Variants in LOXHD1 observed in about 807,000 individuals in gnomAD.
The protein encoded by LOXHD1 is lipoxygenase homology PLAT domains 1.
A neutral mutation model predicts 248.2 loss-of-function variants in LOXHD1; 205 were observed. The observed-to-expected ratio is 0.83, with a 90% CI of 0.74 to 0.93. LOXHD1 has a LOEUF of 0.93. Among genes scored for constraint, LOXHD1 ranks in the 40% least tolerant of loss-of-function variants. The pLI, the probability that LOXHD1 is intolerant of heterozygous loss-of-function variation, is 0.00. For missense variants in LOXHD1, 2,930 were observed against 2,971.6 expected, an observed-to-expected ratio of 0.99 and a Z score of 0.33; for synonymous variants, 1,113 against 1,162.8, an observed-to-expected ratio of 0.96 and a Z score of 0.87.
intron 14 of LOXHD1, among the ~76,000 whole-genome samples, chr18:46,576,003 G>A (rs536171012): frequency 2.0e-5 from 3 of 152,252 alleles, no homozygotes; most frequent in Non-Finnish European, 2.9e-5. Flanking sequence ...TTCCACAGGA[G>A]GCCAGCCTCA....
chr18:46,597,935 T>G (rs1168751830), intron 8 of LOXHD1, among the ~76,000 whole-genome samples: 1 of 142,632 alleles, frequency 7.0e-6, no homozygotes. Context: ...TTGCATTTTT[T>G]TTTTTTTTTT....
At chr18:46,488,037 G>C (rs1289969895) in intron 38 of LOXHD1, among the ~76,000 whole-genome samples, 1 of 152,228 alleles carries the variant, frequency 6.6e-6, no homozygotes, top group African/African-American at 2.4e-5. Flanking sequence ...TAGCTGAACT[G>C]TCTGGTGAAG....
intron 4 of LOXHD1, among the ~76,000 whole-genome samples, chr18:46,626,563 A>G (rs866477001): frequency 4.5e-4 from 69 of 152,206 alleles, no homozygotes; most frequent in Middle Eastern, 3.2e-3. Context: ...ATAAAATAAA[A>G]TAACAGAAGA....
chr18:46,582,014 T>C (rs1312456917), intron 12 of LOXHD1, among the ~76,000 whole-genome samples: 3 of 152,200 alleles, frequency 2.0e-5, no homozygotes, highest in Non-Finnish European at 4.4e-5. Flanking sequence ...AATTAATCAC[T>C]AGCATATCTG....
chr18:46,562,891 C>T (rs2037558522), intron 18 of LOXHD1, among the ~76,000 whole-genome samples, 174 bp downstream of exon 18: 1 of 152,074 alleles, frequency 6.6e-6, no homozygotes, highest in Non-Finnish European at 1.5e-5. Flanking sequence ...TAGTCCAATC[C>T]CCTCATTTTA....
chr18:46,637,467 G>A (rs537754198), intron 4 of LOXHD1, among the ~76,000 whole-genome samples: 1 of 152,184 alleles, frequency 6.6e-6, no homozygotes, highest in East Asian at 1.9e-4. Context: ...CTGAAAAGTG[G>A]CAAGTTTGAC....
chr18:46,632,621 A>G (rs781279291), intron 4 of LOXHD1, among the ~76,000 whole-genome samples: 10 of 152,094 alleles, frequency 6.6e-5, no homozygotes, highest in Non-Finnish European at 1.3e-4. Flanking sequence ...ACACACATCC[A>G]TGACAACAGA....
At chr18:46,518,836 C>T (rs2035413613) in intron 33 of LOXHD1, 1 of 971,898 alleles carries the variant, frequency 1.0e-6, no homozygotes, top group Non-Finnish European at 1.2e-6. Flanking sequence ...CTGCACATGC[C>T]CTGCAGCTGC....
chr18:46,536,580 C>G (rs181840882), intron 26 of LOXHD1, among the ~76,000 whole-genome samples: 2 of 152,198 alleles, frequency 1.3e-5, no homozygotes, highest in Non-Finnish European at 2.9e-5. Flanking sequence ...GATAAAAACT[C>G]CCCGGAAGTC....
chr18:46,537,033 C>T (rs906775494), intron 26 of LOXHD1, among the ~76,000 whole-genome samples: 2 of 152,220 alleles, frequency 1.3e-5, no homozygotes, highest in African/African-American at 4.8e-5. Context: ...CCTCAAGCCA[C>T]ATGCTTATTT....
chr18:46,654,136 T>A (rs1286749205), intron 1 of LOXHD1, among the ~76,000 whole-genome samples: 1 of 152,232 alleles, frequency 6.6e-6, no homozygotes, highest in African/African-American at 2.4e-5. Flanking sequence ...CCTATTGCCA[T>A]GTGGGAACAC....
chr18:46,500,567 C>T (rs1374804493), intron 37 of LOXHD1, among the ~76,000 whole-genome samples: 1 of 152,182 alleles, frequency 6.6e-6, no homozygotes, highest in Non-Finnish European at 1.5e-5. Flanking sequence ...TCCATGTAAC[C>T]TACCTCCCAC....
intron 14 of LOXHD1, among the ~76,000 whole-genome samples, chr18:46,575,676 G>T (rs565644022): frequency 6.6e-6 from 1 of 152,100 alleles, no homozygotes; most frequent in Non-Finnish European, 1.5e-5. Context: ...CCTTCTGAGG[G>T]GTGCAGCCTG....
At chr18:46,646,413 C>A (rs1175005674) in intron 2 of LOXHD1, among the ~76,000 whole-genome samples, 1 of 152,170 alleles carries the variant, frequency 6.6e-6, no homozygotes, top group Admixed American at 6.5e-5. Flanking sequence ...TCTTAGATAG[C>A]AAGGACCATG....
intron 38 of LOXHD1, among the ~76,000 whole-genome samples, chr18:46,488,577 G>A (rs550161241): frequency 3.9e-5 from 6 of 152,312 alleles, no homozygotes; most frequent in African/African-American, 1.2e-4. Flanking sequence ...GAAAGCCGCT[G>A]CTAGAGATAC....
At chr18:46,539,321 C>T (rs1029097145) in intron 25 of LOXHD1, among the ~76,000 whole-genome samples, 4 of 152,110 alleles carry the variant, frequency 2.6e-5, no homozygotes, top group Admixed American at 2.0e-4. Context: ...GTTAGCTGGA[C>T]GTGGCGGTGG....
chr18:46,492,080 C>T (rs1240386210), intron 37 of LOXHD1, among the ~76,000 whole-genome samples: 1 of 151,712 alleles, frequency 6.6e-6, no homozygotes, highest in Non-Finnish European at 1.5e-5. Context: ...TGACTTTCTC[C>T]CACTAAGAAT....
rs548937545 is a variant in LOXHD1 at position 46,644,311 on chromosome 18, A to G, written c.246-2275T>C. ...AGCCAAAGACAAGGTGTGACTTGGAAGGAAAGCAGCTGGCTTTCTGGGGTG... is the reference window on the plus strand; with the variant it reads ...AGCCAAAGACAAGGTGTGACTTGGAGGGAAAGCAGCTGGCTTTCTGGGGTG... On this transcript the variant is annotated intron_variant, in intron 2 of 40. Coordinates refer to ENST00000642948, the MANE Select transcript of LOXHD1 (RefSeq NM_001384474.1). Among the ~76,000 whole-genome samples, 18 of 152,362 alleles carry G rather than the reference A, an allele frequency of 1.2e-4. No homozygotes were observed. In the East Asian group the frequency reaches 3.5e-3, roughly 29 times the overall value.
At chr18:46,609,923 T>C (rs1568215381) in intron 6 of LOXHD1, among the ~76,000 whole-genome samples, 3 of 152,208 alleles carry the variant, frequency 2.0e-5, no homozygotes, top group Admixed American at 2.0e-4. Flanking sequence ...AAACTTTGAA[T>C]GGAATATGTT....
Sources: gnomAD v4.1 joint callset for allele counts (sites outside exome capture counted in the v4.1 genomes callset) on GRCh38, gnomAD v4.1.1 for gene constraint, MANE v1.5 for transcripts, NCBI Gene and HGNC (gene_info 2026-07-23, HGNC 2026-07-21) for gene names.